Variants in RABEP2 observed in about 807,000 individuals in gnomAD.
The protein encoded by RABEP2 is rab GTPase-binding effector protein 2.
In RABEP2, 57 loss-of-function variants were observed where a neutral mutation model predicts 74.1. The ratio of observed to expected loss-of-function variants is 0.77; its 90% CI spans 0.62 to 0.96. The LOEUF is 0.96. Among genes scored for constraint, RABEP2 ranks in the 40% least tolerant of loss-of-function variants. RABEP2 has a pLI of 0.00. For synonymous variants in RABEP2, 351 were observed against 344.0 expected (o/e 1.02, Z -0.23); for missense variants, 692 against 756.3 (o/e 0.91, Z 1.00).
chr16:28,917,356 G>A (rs551709303), intron 3 of RABEP2, among the ~76,000 whole-genome samples: 3 of 152,302 alleles, frequency 2.0e-5, no homozygotes, highest in African/African-American at 7.2e-5. Context: ...CCTACTTCTA[G>A]TTCATGCCCT....
intron 3 of RABEP2, among the ~76,000 whole-genome samples, chr16:28,917,528 T>C (rs1329158187): frequency 2.0e-5 from 3 of 152,230 alleles, no homozygotes; most frequent in African/African-American, 4.8e-5. Context: ...CAAGAGACTT[T>C]CCTGCCTCAG....
chr16:28,911,283 T>C (rs1221489621), intron 5 of RABEP2, 104 bp from the exon 6 acceptor site: 3 of 1,014,756 alleles, frequency 3.0e-6, no homozygotes, highest in Non-Finnish European at 4.4e-6. Flanking sequence ...ATCCACACAG[T>C]CCGTCAAATT....
intron 5 of RABEP2, among the ~76,000 whole-genome samples, chr16:28,911,694 A>G (rs1241542035): frequency 6.7e-6 from 1 of 149,820 alleles, no homozygotes; most frequent in Non-Finnish European, 1.5e-5. Context: ...ATGGTGGCTC[A>G]TGCCTATAAT....
Position 28,911,092 on chromosome 16 carries a change from C to A in RABEP2, c.982G>T (p.Ala328Ser). The stretch of plus-strand genomic sequence containing the variant: ...CAGCGGCAGGGACCCACCTGCTTGG[C>A]ACAGTCCTCATTGCTCCGTCTCAGG... ...EGLRRSNEDC[A>S]KQMQVLLAQV... The change falls in exon 6 of 13, where the codon GCC (alanine) becomes TCC (serine). Residue 328 changes from alanine (A) to serine (S), a missense_variant. By Grantham distance (99) the Ala-to-Ser change is moderately conservative. Coordinates refer to ENST00000358201, the MANE Select transcript of RABEP2 (RefSeq NM_024816.3). 6.2e-7 allele frequency: 1 copy of A among 1,613,176 alleles called. No homozygotes were observed. Among genetic ancestry groups the A allele is most frequent in the Non-Finnish European group, 8.5e-7 (1 of 1,179,972 alleles).
At chr16:28,908,865 G>A in intron 7 of RABEP2, 101 bp from the exon 8 acceptor site, 1 of 1,248,862 alleles carries the variant, frequency 8.0e-7, no homozygotes, top group Non-Finnish European at 1.1e-6. Context: ...CTGACAGCAA[G>A]AGAGCCCATA....
intron 8 of RABEP2, 35 bp downstream of exon 8, chr16:28,908,574 T>C (rs1183929185): frequency 1.3e-6 from 2 of 1,562,348 alleles, no homozygotes; most frequent in East Asian, 2.3e-5. Flanking sequence ...GCCCTCACGG[T>C]GGCTCCAGGC....
In RABEP2 at chr16:28,904,567, C is replaced by A; in HGVS notation, c.*376G>T. The A allele has an allele frequency of 7.3e-7, 1 of 1,372,982 alleles. No homozygotes were observed. The highest frequency in any genetic ancestry group is 9.7e-7 in the Non-Finnish European group (1 of 1,036,022). 85.0% of individuals were successfully genotyped at this position (1,372,982 alleles called of 1,614,324 possible). ...GCAGCTGCCTGTCCCAGGGCCGGGGCCCACCTCACTGCCTCTGATGGGGAC... is the reference window on the plus strand; with the variant it reads ...GCAGCTGCCTGTCCCAGGGCCGGGGACCACCTCACTGCCTCTGATGGGGAC... On this transcript the variant is annotated 3_prime_UTR_variant, in exon 13 of 13. Coordinates refer to ENST00000358201, the MANE Select transcript of RABEP2 (RefSeq NM_024816.3).
rs571933419 is a variant in RABEP2, at chr16:28,904,803, G to A, written c.*140C>T. 79 of 707,148 alleles carry A rather than the reference G, an allele frequency of 1.1e-4. No individual in the cohort carries two copies. Among genetic ancestry groups the A allele is most frequent in the Non-Finnish European group, 1.6e-4 (71 of 432,580 alleles). 43.8% of individuals were successfully genotyped at this position (707,148 alleles called of 1,614,324 possible). A position where few individuals can be genotyped will look rare whatever the true frequency, so the allele number is the denominator to read the frequency against. ...GGGAGGAGGCGCTGGAGGGCGGGGC[G>A]GTGGTGGCCCCCGTCAGTCCCCTCA... On this transcript the variant is annotated 3_prime_UTR_variant, in exon 13 of 13. Transcript: ENST00000358201.
chr16:28,904,603 C>T lies in RABEP2; in HGVS notation c.*340G>A. ...GCCTCTGATGGGGACTCCCAGCCCC[C>T]ATGGCTCCGCTGTGCCCTGGGCAGG... On this transcript the variant is annotated 3_prime_UTR_variant, in exon 13 of 13. Transcript: ENST00000358201. The T allele has an allele frequency of 8.6e-7, 1 of 1,161,350 alleles. No individual in the cohort carries two copies. The highest frequency in any genetic ancestry group is 1.5e-5 in the South Asian group (1 of 67,348). The allele number at this position is 1,161,350 out of a possible 1,614,324, so 71.9% of individuals were successfully genotyped here. A position where few individuals can be genotyped will look rare whatever the true frequency, so the allele number is the denominator to read the frequency against.
In RABEP2 at chr16:28,911,035, G is replaced by A. The variant is rs771127457; in HGVS notation, c.990+49C>T. ...TGAGGGCAAGGGCATGTCAGGGGGC[G>A]GCAGGTAGCCAGAGGCCGGCTGGGG... On this transcript the variant is annotated intron_variant, in intron 6 of 12. Coordinates refer to ENST00000358201, the MANE Select transcript of RABEP2 (RefSeq NM_024816.3). The A allele has an allele frequency of 4.3e-5, 69 of 1,610,152 alleles. No homozygotes were observed. The South Asian group carries it at 5.2e-4, about 12-fold the overall frequency.
intron 5 of RABEP2, among the ~76,000 whole-genome samples, chr16:28,911,568 G>T (rs937146975): frequency 6.6e-6 from 1 of 151,570 alleles, no homozygotes; most frequent in Non-Finnish European, 1.5e-5. Context: ...GGAAACTGAG[G>T]CAGGAGATTC....
chr16:28,909,990 C>T (rs1479800055), intron 7 of RABEP2, among the ~76,000 whole-genome samples: 30 of 141,112 alleles, frequency 2.1e-4, no homozygotes, highest in Non-Finnish European at 3.6e-4. Flanking sequence ...GATCGTGCCA[C>T]TGCACTCCAG....
chr16:28,918,943 C>T (rs767353236), intron 3 of RABEP2, among the ~76,000 whole-genome samples: 5 of 152,160 alleles, frequency 3.3e-5, no homozygotes, highest in Non-Finnish European at 1.5e-5. Context: ...GCCTTGGCTT[C>T]CCAAAGTGCT....
chr16:28,922,507 G>T (rs2152223976), intron 2 of RABEP2, among the ~76,000 whole-genome samples: 1 of 152,106 alleles, frequency 6.6e-6, no homozygotes, highest in African/African-American at 2.4e-5. Flanking sequence ...AGATCACGAG[G>T]TCAGGAGATC....
At chr16:28,911,656 GAA>G (rs112165632) in intron 5 of RABEP2, among the ~76,000 whole-genome samples, 1 of 84,816 alleles carries the variant, frequency 1.2e-5, no homozygotes. Context: ...TCAAAAAAGA[GAA>G]AAAAAAAAAA....
rs369912842 is a variant in RABEP2, at chr16:28,911,070, C to T, written c.990+14G>A. The stretch of plus-strand genomic sequence containing the variant: ...CAGAGGCCGGCTGGGGCTGCAGCAG[C>T]GGCAGGGACCCACCTGCTTGGCACA... On this transcript the variant is annotated intron_variant, in intron 6 of 12. Coordinates refer to ENST00000358201, the MANE Select transcript of RABEP2 (RefSeq NM_024816.3). The T allele has an allele frequency of 6.3e-5, 102 of 1,612,146 alleles. No homozygotes were observed. The highest frequency in any genetic ancestry group is 1.7e-4 in the Middle Eastern group (1 of 6,054).
chr16:28,914,653 C>T lies in RABEP2; in HGVS notation c.543+19G>A, dbSNP rs769149372. The T allele has an allele frequency of 1.2e-6, 2 of 1,613,430 alleles. No individual in the cohort carries two copies. The highest frequency in any genetic ancestry group is 3.3e-5 in the Admixed American group (2 of 59,974). ...TCTGGCACCCCTCCTTCCCCAGCGCCCCCTGGCCGTGCCCTCACCTGGATC... is the reference window on the plus strand; with the variant it reads ...TCTGGCACCCCTCCTTCCCCAGCGCTCCCTGGCCGTGCCCTCACCTGGATC... On this transcript the variant is annotated intron_variant, in intron 4 of 12. Coordinates refer to ENST00000358201, the MANE Select transcript of RABEP2 (RefSeq NM_024816.3).
chr16:28,910,567 G>A (rs1047522516), intron 7 of RABEP2: 12 of 230,126 alleles, frequency 5.2e-5, no homozygotes, highest in South Asian at 1.7e-4. Context: ...GAGTCACCTC[G>A]CCCAGTCAGA....
intron 8 of RABEP2, among the ~76,000 whole-genome samples, chr16:28,906,547 G>A (rs1015301235): frequency 3.3e-5 from 5 of 152,032 alleles, no homozygotes; most frequent in South Asian, 2.1e-4. Context: ...GGAGGATCAC[G>A]TGAGGTCAGG....
Sources: gnomAD v4.1 joint callset for allele counts (sites outside exome capture counted in the v4.1 genomes callset) on GRCh38, gnomAD v4.1.1 for gene constraint, MANE v1.5 for transcripts, NCBI Gene and HGNC (gene_info 2026-07-23, HGNC 2026-07-21) for gene names.